The following RIMS2 variants were observed in gnomAD, a reference collection of about 807,000 sequenced individuals.
The protein encoded by RIMS2 is regulating synaptic membrane exocytosis protein 2.
RIMS2 carries 59 observed loss-of-function variants against 174.4 expected under a neutral mutation model. That is an observed-to-expected ratio of 0.34 (90% confidence interval 0.27 to 0.42). The LOEUF (loss-of-function observed/expected upper bound fraction) is 0.42. Ranked by LOEUF, RIMS2 falls within the 10% of genes least tolerant of loss-of-function variation. The pLI, the probability that RIMS2 is intolerant of heterozygous loss-of-function variation, is 1.00. For synonymous variants in RIMS2, 606 were observed against 572.5 expected (o/e 1.06, Z -0.84); for missense variants, 1,620 against 1,666.3 (o/e 0.97, Z 0.48).
At chr8:103,739,921 T>C (rs1477630039) in intron 2 of RIMS2, among the ~76,000 whole-genome samples, 1 of 152,186 alleles carries the variant, frequency 6.6e-6, no homozygotes, top group Non-Finnish European at 1.5e-5. Flanking sequence ...GTGTCATCAT[T>C]ATATATCTTG....
chr8:103,971,422 C>CAA (rs1313211527), intron 15 of RIMS2, among the ~76,000 whole-genome samples: 1 of 152,090 alleles, frequency 6.6e-6, no homozygotes, highest in Non-Finnish European at 1.5e-5. Context: ...AAATGACTTT[C>CAA]AAATGTTTAG....
chr8:103,912,189 A>G lies in RIMS2; in HGVS notation c.1812+17A>G, dbSNP rs755228541. Reference sequence around the variant, plus strand: ...GGCTTGAAGGTATGTAATAAAAAGTATGAGATTTTGGCTCTATACTCTTAC... The same window carrying G: ...GGCTTGAAGGTATGTAATAAAAAGTGTGAGATTTTGGCTCTATACTCTTAC... On this transcript the variant is annotated intron_variant, in intron 6 of 23. Coordinates refer to ENST00000504942, the Ensembl canonical transcript of RIMS2. 8.1e-6 allele frequency: 13 copies of G among 1,598,246 alleles called. No homozygotes were observed. The East Asian group carries it at 2.7e-4, about 33-fold the overall frequency.
At chr8:103,596,236 G>A (rs953227027) in intron 1 of RIMS2, among the ~76,000 whole-genome samples, 3 of 151,982 alleles carry the variant, frequency 2.0e-5, no homozygotes, top group Admixed American at 6.6e-5. Context: ...AAGTTGGTAT[G>A]TGTTTACATG....
intron 3 of RIMS2, among the ~76,000 whole-genome samples, chr8:103,809,827 G>T (rs2098675519): frequency 6.6e-6 from 1 of 152,174 alleles, no homozygotes; most frequent in African/African-American, 2.4e-5. Flanking sequence ...GGGTACTTGC[G>T]CATTTATAGG....
intron 1 of RIMS2, among the ~76,000 whole-genome samples, chr8:103,590,604 A>T (rs2094205043): frequency 1.2e-5 from 1 of 83,720 alleles, no homozygotes; most frequent in Non-Finnish European, 2.8e-5. Context: ...GTTACAATTA[A>T]CATTTTATCC....
intron 1 of RIMS2, among the ~76,000 whole-genome samples, chr8:103,541,732 A>G (rs1296006102): frequency 6.6e-6 from 1 of 152,238 alleles, no homozygotes; most frequent in African/African-American, 2.4e-5. Flanking sequence ...AAATAGTAAT[A>G]GCTACAATAA....
intron 3 of RIMS2, among the ~76,000 whole-genome samples, chr8:103,805,242 G>A (rs2098642551): frequency 6.6e-6 from 1 of 152,060 alleles, no homozygotes; most frequent in Admixed American, 6.6e-5. Context: ...CCTGAAGAGT[G>A]AATTAGTCCC....
At chr8:103,876,911 C>CATACATACAT (rs1285504625) in intron 3 of RIMS2, among the ~76,000 whole-genome samples, 1 of 45,580 alleles carries the variant, frequency 2.2e-5, no homozygotes, top group African/African-American at 6.6e-5. Flanking sequence ...TATATATATA[C>CATACATACAT]ACACACACCC....
chr8:103,602,840 G>C (rs991575731), intron 1 of RIMS2, among the ~76,000 whole-genome samples: 1 of 152,008 alleles, frequency 6.6e-6, no homozygotes, highest in Non-Finnish European at 1.5e-5. Flanking sequence ...GGGATTGCTG[G>C]GTCAAATGGT....
chr8:103,996,358 G>T (rs1458268891), intron 17 of RIMS2, among the ~76,000 whole-genome samples: 2 of 151,878 alleles, frequency 1.3e-5, no homozygotes, highest in Non-Finnish European at 2.9e-5. Context: ...AAAGGGTATT[G>T]TTCTAGTCTC....
intron 3 of RIMS2, among the ~76,000 whole-genome samples, chr8:103,842,948 C>A (rs1299262009): frequency 6.6e-6 from 1 of 152,182 alleles, no homozygotes; most frequent in Admixed American, 6.5e-5. Context: ...TGTGTCTTCA[C>A]TGATCTTTCC....
At chr8:104,131,486 A>G (rs1334661069) in intron 19 of RIMS2, among the ~76,000 whole-genome samples, 16 of 152,048 alleles carry the variant, frequency 1.1e-4, no homozygotes, top group Non-Finnish European at 1.5e-5. Flanking sequence ...TAAAATAAAT[A>G]TGTTATATTT....
chr8:104,144,259 A>G (rs1286178250), intron 19 of RIMS2, among the ~76,000 whole-genome samples: 1 of 152,220 alleles, frequency 6.6e-6, no homozygotes, highest in Non-Finnish European at 1.5e-5. Flanking sequence ...AAATATATAC[A>G]GTTTTTATTG....
At chr8:104,022,198 G>A (rs773963191) in intron 19 of RIMS2, among the ~76,000 whole-genome samples, 6 of 152,092 alleles carry the variant, frequency 3.9e-5, no homozygotes, top group South Asian at 2.1e-4. Flanking sequence ...AGTCAGGCCC[G>A]TCTCATAATC....
chr8:103,795,589 GA>G (rs1168499336), intron 3 of RIMS2, among the ~76,000 whole-genome samples: 1 of 151,798 alleles, frequency 6.6e-6, no homozygotes, highest in African/African-American at 2.4e-5. Context: ...TAATAATGAT[GA>G]AAAATAAGAA....
At chr8:104,205,898 G>A (rs2137305528) in intron 19 of RIMS2, among the ~76,000 whole-genome samples, 1 of 152,068 alleles carries the variant, frequency 6.6e-6, no homozygotes, top group Admixed American at 6.5e-5. Context: ...TGGGATTATA[G>A]GCATGCACCA....
At chr8:103,625,158 G>C (rs567881435) in intron 1 of RIMS2, among the ~76,000 whole-genome samples, 13 of 150,610 alleles carry the variant, frequency 8.6e-5, no homozygotes, top group Non-Finnish European at 1.8e-4. Flanking sequence ...AGGGGTGTTT[G>C]TTTATTTTGC....
exon 3 of RIMS2, chr8:103,766,276 A>G (rs1299477578): frequency 6.2e-7 from 1 of 1,613,634 alleles, no homozygotes; most frequent in South Asian, 1.1e-5. Context: ...ATCCTCACTA[A>G]ATCAGGAGCA....
intron 1 of RIMS2, among the ~76,000 whole-genome samples, chr8:103,530,257 G>A (rs751760687): frequency 2.0e-5 from 3 of 152,086 alleles, no homozygotes; most frequent in Non-Finnish European, 2.9e-5. Flanking sequence ...TAAAATGTTA[G>A]TAGCATAATG....
Sources: gnomAD v4.1 joint callset for allele counts (sites outside exome capture counted in the v4.1 genomes callset) on GRCh38, gnomAD v4.1.1 for gene constraint, MANE v1.5 for transcripts, NCBI Gene and HGNC (gene_info 2026-07-23, HGNC 2026-07-21) for gene names.